Variants in TSGA10 observed in about 807,000 individuals in gnomAD.
TSGA10 encodes the protein testis specific 10, also known as testis-specific gene 10 protein.
In TSGA10, 43 loss-of-function variants were observed where a neutral mutation model predicts 96.6. That is an observed-to-expected ratio of 0.44 (90% CI 0.35 to 0.57). The LOEUF (loss-of-function observed/expected upper bound fraction) is 0.57. Among genes scored for constraint, TSGA10 ranks in the 20% least tolerant of loss-of-function variants. The pLI is 0.01. For missense variants in TSGA10, 703 were observed against 834.4 expected (o/e 0.84, Z 1.94); for synonymous variants, 229 against 269.9 (o/e 0.85, Z 1.48).
intron 1 of TSGA10, chr2:99,147,374 T>C (rs2093642876): frequency 1.7e-6 from 2 of 1,193,774 alleles, no homozygotes; most frequent in African/African-American, 1.5e-5. Flanking sequence ...TCTCTTTATG[T>C]ACCTTTATTC....
At chr2:98,998,607 C>G (rs1012032362) in intron 20 of TSGA10, among the ~76,000 whole-genome samples, 13 of 152,152 alleles carry the variant, frequency 8.5e-5, no homozygotes, top group African/African-American at 2.4e-4. Flanking sequence ...TATAAATAGG[C>G]ATAATGAGGG....
chr2:99,065,274 A>G (rs1573996142), intron 15 of TSGA10, 150 bp from the exon 16 acceptor site: 2 of 844,410 alleles, frequency 2.4e-6, no homozygotes, highest in Non-Finnish European at 3.5e-6. Context: ...AGTTTAGAAA[A>G]CAGGTCATCC....
At chr2:99,020,211 T>G in intron 18 of TSGA10, 69 bp downstream of exon 18, 1 of 1,372,892 alleles carries the variant, frequency 7.3e-7, no homozygotes, top group Non-Finnish European at 1.0e-6. Flanking sequence ...AAATTCTAGC[T>G]TAAAATTTCT....
intron 16 of TSGA10, among the ~76,000 whole-genome samples, chr2:99,045,343 G>A (rs1048500891): frequency 6.6e-6 from 1 of 152,106 alleles, no homozygotes; most frequent in Non-Finnish European, 1.5e-5. Context: ...AGAAAGGTCG[G>A]GTTACCCACA....
intron 20 of TSGA10, among the ~76,000 whole-genome samples, chr2:99,000,303 T>G (rs1163471021): frequency 6.0e-5 from 9 of 150,484 alleles, no homozygotes; most frequent in Non-Finnish European, 8.9e-5. Flanking sequence ...AGGTCAGGAG[T>G]TCGAGACCAC....
chr2:99,141,548 A>G (rs1443753852), intron 1 of TSGA10: 1 of 92,440 alleles, frequency 1.1e-5, no homozygotes, highest in Non-Finnish European at 2.8e-5. Context: ...TTCCTGGCCC[A>G]TCCGCGCCGC....
intron 1 of TSGA10, chr2:99,141,434 C>A (rs1303086339): frequency 5.6e-6 from 1 of 178,250 alleles, no homozygotes; most frequent in African/African-American, 2.4e-5. Flanking sequence ...GTACCTGGCT[C>A]GACCTTCCTT....
intron 12 of TSGA10, among the ~76,000 whole-genome samples, chr2:99,077,906 A>C (rs567791999): frequency 5.9e-5 from 9 of 151,936 alleles, no homozygotes; most frequent in African/African-American, 2.2e-4. Context: ...AAAATGTGGG[A>C]TGGAGGTTAT....
At chr2:99,059,313 A>G (rs185822999) in intron 16 of TSGA10, among the ~76,000 whole-genome samples, 83 of 151,928 alleles carry the variant, frequency 5.5e-4, no homozygotes, top group African/African-American at 1.9e-3. Context: ...ATTTGATAAA[A>G]TTTTATACCC....
intron 2 of TSGA10, among the ~76,000 whole-genome samples, chr2:99,124,143 T>C (rs11692336): frequency 0.51 from 77,313 of 152,132 alleles, 21,576 homozygotes; most frequent in Middle Eastern, 0.7. Context: ...CACTTGTTAT[T>C]TTCCATTATA....
chr2:99,108,852 A>T lies in TSGA10; in HGVS notation c.191T>A (p.Ile64Asn). ...VKVLKSERDK[I>N]FLLYEQAQEE... ...GTTTACCTGTTCATAAAGAAGGAAG[A>T]TCTTGTCTCTCTCAGATTTAAGAAC... The change falls in exon 7 of 21, where the codon ATC (isoleucine) becomes AAC (asparagine). Residue 64 changes from isoleucine (I) to asparagine (N), a missense_variant. Ile to Asn is a moderately radical substitution (Grantham distance 149). This residue lies in a region of TSGA10 where 585 missense variants were observed against 656.8 expected (regional missense o/e 0.89). Transcript: ENST00000393483. The T allele has an allele frequency of 2.5e-6, 4 of 1,579,194 alleles. No homozygotes were observed. The highest frequency in any genetic ancestry group is 3.4e-6 in the Non-Finnish European group (4 of 1,169,634).
chr2:99,058,713 C>T (rs577704379), intron 16 of TSGA10, among the ~76,000 whole-genome samples: 23 of 152,052 alleles, frequency 1.5e-4, no homozygotes, highest in South Asian at 1.0e-3. Context: ...CAAATCCTAG[C>T]GAAACAGAAA....
At chr2:99,047,790 T>G (rs2082951817) in intron 16 of TSGA10, among the ~76,000 whole-genome samples, 2 of 152,188 alleles carry the variant, frequency 1.3e-5, no homozygotes, top group Non-Finnish European at 1.5e-5. Context: ...TGTCCCTGTT[T>G]GAAGATGGCA....
intron 4 of TSGA10, among the ~76,000 whole-genome samples, chr2:99,116,112 C>T (rs747770469): frequency 7.9e-5 from 12 of 152,104 alleles, no homozygotes; most frequent in African/African-American, 1.7e-4. Flanking sequence ...AGAAATAACA[C>T]GTAATAACAA....
intron 16 of TSGA10, among the ~76,000 whole-genome samples, chr2:99,044,336 C>A (rs1445759560): frequency 3.3e-5 from 4 of 121,916 alleles, no homozygotes; most frequent in African/African-American, 3.4e-5. Context: ...GAATATTTAC[C>A]AAGCAAATGG....
intron 11 of TSGA10, among the ~76,000 whole-genome samples, chr2:99,080,921 A>G (rs2087386652): frequency 6.6e-6 from 1 of 152,162 alleles, no homozygotes; most frequent in African/African-American, 2.4e-5. Context: ...ATAACTAAAC[A>G]TATGTACACT....
In TSGA10 at chr2:98,997,968, A is replaced by G. The variant is rs966095959; in HGVS notation, c.*229T>C. 2.4e-6 allele frequency: 1 copy of G among 417,128 alleles called. No homozygotes were observed. Among genetic ancestry groups the G allele is most frequent in the Non-Finnish European group, 4.2e-6 (1 of 235,996 alleles). 25.8% of individuals were successfully genotyped at this position (417,128 alleles called of 1,614,324 possible). On this transcript the variant is annotated 3_prime_UTR_variant, in exon 21 of 21. Transcript: ENST00000393483. ...CAATAGTGAAGTAAGCAGATTTTAC[A>G]CTCACTATCACTGCATGGATAGAAA...
intron 4 of TSGA10, among the ~76,000 whole-genome samples, chr2:99,115,098 A>G (rs2092147044): frequency 6.6e-6 from 1 of 151,836 alleles, no homozygotes; most frequent in Non-Finnish European, 1.5e-5. Flanking sequence ...ACGCCCAGCT[A>G]TTTTTTTGCA....
chr2:99,061,564 T>C (rs2084691454), intron 16 of TSGA10, among the ~76,000 whole-genome samples: 1 of 152,222 alleles, frequency 6.6e-6, no homozygotes. Context: ...AAATACTAGA[T>C]ATTATTTATT....
Sources: allele counts gnomAD v4.1 joint callset (sites outside exome capture counted in the v4.1 genomes callset), GRCh38; gene constraint gnomAD v4.1.1; regional missense constraint gnomAD v4.1.1; transcripts MANE v1.5; gene names NCBI Gene and HGNC (gene_info 2026-07-23, HGNC 2026-07-21).